ENTPD1: variants seen among roughly 807,000 people sequenced by gnomAD.
The protein encoded by ENTPD1 is ATP diphosphohydrolase.
ENTPD1 carries 33 observed loss-of-function variants against 57.0 expected under a neutral mutation model. That is an observed-to-expected ratio of 0.58 (90% confidence interval 0.44 to 0.77). The LOEUF (loss-of-function observed/expected upper bound fraction) is 0.77, where lower values mean the gene tolerates loss of function less well. Among genes scored for constraint, ENTPD1 ranks in the 30% least tolerant of loss-of-function variants. The pLI is 0.00. For synonymous variants in ENTPD1, 202 were observed against 218.8 expected (o/e 0.92, Z 0.68); for missense variants, 501 against 603.4 (o/e 0.83, Z 1.78).
chr10:95,736,871 T>A (rs1699111608), intron 1 of ENTPD1, among the ~76,000 whole-genome samples: 1 of 152,204 alleles, frequency 6.6e-6, no homozygotes, highest in African/African-American at 2.4e-5. Context: ...AGTCAATTAC[T>A]CCCAGTAGTT....
At chr10:95,805,060 C>T (rs1006360520) in intron 1 of ENTPD1, among the ~76,000 whole-genome samples, 3 of 152,122 alleles carry the variant, frequency 2.0e-5, no homozygotes. Context: ...CCTTCTGTCT[C>T]GTTGATCTGT....
rs989595525 is a variant in ENTPD1, at chr10:95,876,568, A to C, written c.*10185A>C. 1.6e-6 allele frequency: 2 copies of C among 1,231,058 alleles called. No homozygotes were observed. Among genetic ancestry groups the C allele is most frequent in the African/African-American group, 3.1e-5 (2 of 64,528 alleles). The allele number at this position is 1,231,058 out of a possible 1,614,324, so 76.3% of individuals were successfully genotyped here. A position where few individuals can be genotyped will look rare whatever the true frequency, so the allele number is the denominator to read the frequency against. On this transcript the variant is annotated 3_prime_UTR_variant, in exon 10 of 10. Transcript: ENST00000371205. ...TTCTTGGAGTACTCATGAAGATGGA[A>C]GTCTACATGGAGAATACAGGATGAA...
intron 1 of ENTPD1, among the ~76,000 whole-genome samples, chr10:95,712,791 T>C (rs971761347): frequency 1.3e-5 from 2 of 152,136 alleles, no homozygotes; most frequent in African/African-American, 4.8e-5. Context: ...TCCCAGCACT[T>C]TGGGAGGCCA....
rs1337728771 is a variant in ENTPD1, at chr10:95,791,716, A to C, written c.17-31521A>C. Among the ~76,000 whole-genome samples, 2 of 152,038 alleles carry C rather than the reference A, an allele frequency of 1.3e-5. No homozygotes were observed. The highest frequency in any genetic ancestry group is 2.9e-5 in the Non-Finnish European group (2 of 67,980). ...TCACAAGGGAGAACTTTGGCTGTAC[A>C]TTAGAATCACCCGGCTGGGGGTAGA... On this transcript the variant is annotated intron_variant, in intron 1 of 9. Coordinates refer to ENST00000371205, the MANE Select transcript of ENTPD1 (RefSeq NM_001776.6). This position sits in a 1 kb window ranked among gnomAD's most constrained non-coding sequence, Gnocchi z 4.1.
Position 95,839,690 on chromosome 10 carries a change from G to A in ENTPD1, c.145-1G>A. 2 of 1,614,100 alleles carry A rather than the reference G, an allele frequency of 1.2e-6. No individual in the cohort carries two copies. The highest frequency in any genetic ancestry group is 1.7e-6 in the Non-Finnish European group (2 of 1,179,990). On this transcript the variant is annotated splice_acceptor_variant, in intron 2 of 9. Transcript: ENST00000371205. LOFTEE classifies it high-confidence loss of function. Reference sequence around the variant, plus strand: ...AAGTTTTTGGTCTGTGTTGCTTTCAGTATGGGATTGTGCTGGATGCGGGTT... The same window carrying A: ...AAGTTTTTGGTCTGTGTTGCTTTCAATATGGGATTGTGCTGGATGCGGGTT...
chr10:95,814,518 T>A (rs1016835911), intron 1 of ENTPD1, among the ~76,000 whole-genome samples: 5 of 152,146 alleles, frequency 3.3e-5, no homozygotes, highest in African/African-American at 1.2e-4. Context: ...GAGCCTCAGG[T>A]TGGCTGAATC....
In ENTPD1 at chr10:95,875,659, A is replaced by G; in HGVS notation, c.*9276A>G. 6.0e-6 allele frequency: 1 copy of G among 167,772 alleles called. No homozygotes were observed. The highest frequency in any genetic ancestry group is 1.3e-5 in the Non-Finnish European group (1 of 79,926). 10.4% of individuals were successfully genotyped at this position (167,772 alleles called of 1,614,324 possible). A position where few individuals can be genotyped will look rare whatever the true frequency, so the allele number is the denominator to read the frequency against. ...ATTTTCATGCTGCTGATAAAGACATACCTGAGACTGGGAACAAAAAGAGGT... is the reference window on the plus strand; with the variant it reads ...ATTTTCATGCTGCTGATAAAGACATGCCTGAGACTGGGAACAAAAAGAGGT... On this transcript the variant is annotated 3_prime_UTR_variant, in exon 10 of 10. Transcript: ENST00000371205.
chr10:95,707,347 G>A (rs550808240), upstream of ENTPD1, among the ~76,000 whole-genome samples: 1 of 152,134 alleles, frequency 6.6e-6, no homozygotes, highest in Non-Finnish European at 1.5e-5. Context: ...GCCACAGTTT[G>A]GGGGGGCTGC....
intron 1 of ENTPD1, among the ~76,000 whole-genome samples, chr10:95,809,512 C>A (rs867301105): frequency 3.8e-4 from 52 of 138,552 alleles, no homozygotes; most frequent in Non-Finnish European, 6.7e-4. Context: ...ACCTCCCAGA[C>A]GGGGCAGATG....
chr10:95,862,359 CCCT>C (rs1462961722), intron 8 of ENTPD1, among the ~76,000 whole-genome samples: 6 of 152,240 alleles, frequency 3.9e-5, no homozygotes, highest in African/African-American at 1.2e-4. Flanking sequence ...TTTCTTCTTT[CCCT>C]CCTAACTTCA....
At chr10:95,788,608 C>T (rs1288650716) in intron 1 of ENTPD1, among the ~76,000 whole-genome samples, 2 of 149,304 alleles carry the variant, frequency 1.3e-5, no homozygotes. Flanking sequence ...CAAAGTGAGA[C>T]TCTGTCCAAA....
chr10:95,865,601 T>C (rs1471844306), intron 9 of ENTPD1, among the ~76,000 whole-genome samples: 1 of 152,206 alleles, frequency 6.6e-6, no homozygotes, highest in Non-Finnish European at 1.5e-5. Context: ...AGGATAACAG[T>C]GTCCTTACAC....
Position 95,860,485 on chromosome 10 carries a change from A to ACTT in ENTPD1, c.1092_1094dup (p.Phe365dup). The ACTT allele has an allele frequency of 6.2e-7, 1 of 1,613,496 alleles. No individual in the cohort carries two copies. Among genetic ancestry groups the ACTT allele is most frequent in the Non-Finnish European group, 8.5e-7 (1 of 1,179,592 alleles). On this transcript the variant is annotated inframe_insertion, in exon 8 of 10. Transcript: ENST00000371205. The stretch of plus-strand genomic sequence containing the variant: ...CTCTTGTAGGCATTTTCAGCTTTTT[A>ACTT]CTTTGTGATGAAGTTTTTAAACTTG...
intron 8 of ENTPD1, among the ~76,000 whole-genome samples, chr10:95,864,005 C>T (rs1019070587): frequency 1.3e-5 from 2 of 152,096 alleles, no homozygotes; most frequent in Non-Finnish European, 2.9e-5. Flanking sequence ...TAGGTAAGGG[C>T]AAGGGATGGC....
Position 95,860,508 on chromosome 10 carries a change from T to C in ENTPD1, c.1114T>C (p.Leu372=), listed in dbSNP as rs2098463570. 6.2e-7 allele frequency: 1 copy of C among 1,613,838 alleles called. No homozygotes were observed. ...AFYFVMKFLN[L]TSEKVSQEKV... is the part of the protein sequence containing the mutation. ...TTACTTTGTGATGAAGTTTTTAAAC[T>C]TGACATCAGAGAAAGTCTCTCAGGA... The change falls in exon 8 of 10, where the codon TTG becomes CTG. Residue 372 remains leucine (L), a synonymous_variant. Transcript: ENST00000371205.
rs2098474968 is a variant in ENTPD1, at chr10:95,866,746, G to C, written c.*363G>C. On this transcript the variant is annotated 3_prime_UTR_variant, in exon 10 of 10. Transcript: ENST00000371205. ...CTTGAGTCCTGTGATAGGAGGCTGA[G>C]CTGGCTGAAAGAAGAATCTCAGGAA... is the stretch of plus-strand genomic sequence containing the variant. 1 of 1,136,764 alleles carries C rather than the reference G, an allele frequency of 8.8e-7. No individual in the cohort carries two copies. Among genetic ancestry groups the C allele is most frequent in the African/African-American group, 1.6e-5 (1 of 61,676 alleles). 70.4% of individuals were successfully genotyped at this position (1,136,764 alleles called of 1,614,324 possible).
At chr10:95,696,855 C>T in the ENTPD1 span, among the ~76,000 whole-genome samples, 1 of 152,130 alleles carries the variant, frequency 6.6e-6, no homozygotes, top group African/African-American at 2.4e-5. Flanking sequence ...GGAAATTTAG[C>T]AAGGAGATTG....
intron 1 of ENTPD1, among the ~76,000 whole-genome samples, chr10:95,728,345 G>A (rs1257451346): frequency 1.3e-5 from 2 of 152,150 alleles, no homozygotes; most frequent in East Asian, 3.9e-4. Flanking sequence ...AAAATTGTAG[G>A]GAAGAGAAAA....
intron 1 of ENTPD1, among the ~76,000 whole-genome samples, chr10:95,718,463 C>G (rs982301786): frequency 1.3e-5 from 2 of 152,094 alleles, no homozygotes; most frequent in South Asian, 4.1e-4. Context: ...GTGACCCCAG[C>G]AGTGTAAGAC....
Sources: gnomAD v4.1 joint callset for allele counts (sites outside exome capture counted in the v4.1 genomes callset) on GRCh38, gnomAD v4.1.1 for gene constraint, Gnocchi (gnomAD v3.1) non-coding constraint, MANE v1.5 for transcripts, NCBI Gene and HGNC (gene_info 2026-07-23, HGNC 2026-07-21) for gene names.